Variants in MERTK observed in about 807,000 individuals in gnomAD.
MERTK encodes MER proto-oncogene, tyrosine kinase.
In MERTK, 69 loss-of-function variants were observed where a neutral mutation model predicts 99.3. The observed-to-expected ratio is 0.70, with a 90% CI of 0.57 to 0.85. MERTK has a LOEUF of 0.85. Among genes scored for constraint, MERTK ranks in the 40% least tolerant of loss-of-function variants. The probability of loss-of-function intolerance (pLI) is 0.00; values close to 1 mark genes in which losing one functional copy is unlikely to be tolerated. For synonymous variants in MERTK, 426 were observed against 467.6 expected, an observed-to-expected ratio of 0.91 and a Z score of 1.15; for missense variants, 1,125 against 1,249.4, an observed-to-expected ratio of 0.90 and a Z score of 1.50.
intron 1 of MERTK, among the ~76,000 whole-genome samples, chr2:111,923,111 A>T (rs532468378): frequency 6.6e-6 from 1 of 152,016 alleles, no homozygotes; most frequent in Non-Finnish European, 1.5e-5. Context: ...TGCACGTCAC[A>T]CCCGTTTATT....
rs555016686 is a variant in MERTK, at chr2:111,982,979, A to G, written c.1282A>G (p.Ser428Gly). The change falls in exon 8 of 19, where the codon AGT (serine) becomes GGT (glycine). Residue 428 changes from serine (S) to glycine (G), a missense_variant. By Grantham distance (56) the Ser-to-Gly change is moderately conservative. Transcript: ENST00000295408. ...CTACCGGATATCCCACGTGTGGCAG[A>G]GTGCAGGGATTTCCGTAAGTCTAAA... Reference protein sequence around the residue: ...VGYRISHVWQSAGISKELLEE... With the variant: ...VGYRISHVWQGAGISKELLEE... The G allele has an allele frequency of 6.4e-5, 104 of 1,614,020 alleles. 1 individual carries two copies. The East Asian group carries it at 2.0e-3, about 31-fold the overall frequency.
At chr2:112,012,149 G>T (rs1677118219) in intron 15 of MERTK, among the ~76,000 whole-genome samples, 1 of 152,222 alleles carries the variant, frequency 6.6e-6, no homozygotes, top group Non-Finnish European at 1.5e-5. Flanking sequence ...CAGAGGTGGT[G>T]ATTGGAATAT....
At chr2:111,927,918 C>T (rs1269350587) in intron 1 of MERTK, among the ~76,000 whole-genome samples, 2 of 152,158 alleles carry the variant, frequency 1.3e-5, no homozygotes, top group Admixed American at 6.5e-5. Flanking sequence ...ATATCTCTCT[C>T]ACCCACCTGT....
intron 12 of MERTK, chr2:112,003,516 C>G: frequency 3.0e-6 from 1 of 332,326 alleles, no homozygotes; most frequent in Non-Finnish European, 5.6e-6. Context: ...GTTCTTGGCA[C>G]CTTTCTAATT....
At chr2:111,952,591 G>A (rs781264829) in intron 4 of MERTK, 1 of 152,216 alleles carries the variant, frequency 6.6e-6, no homozygotes, top group Non-Finnish European at 1.5e-5. Flanking sequence ...CAGTGCACGG[G>A]GTGGTGGAAC....
At chr2:111,948,657 T>G (rs1455311889) in intron 4 of MERTK, among the ~76,000 whole-genome samples, 1 of 152,180 alleles carries the variant, frequency 6.6e-6, no homozygotes, top group African/African-American at 2.4e-5. Flanking sequence ...AGCAGTTCTG[T>G]CAGTTCTGCT....
rs1683982768 is a variant in MERTK at position 111,898,920 on chromosome 2, T to A, written c.61+124T>A. The A allele has an allele frequency of 1.2e-5, 12 of 991,930 alleles. No homozygotes were observed. In the South Asian group the frequency reaches 1.7e-4, roughly 14 times the overall value. The allele number at this position is 991,930 out of a possible 1,614,324, so 61.4% of individuals were successfully genotyped here. On this transcript the variant is annotated intron_variant, in intron 1 of 18. Transcript: ENST00000295408. The stretch of plus-strand genomic sequence containing the variant: ...CTGCTGGACAAGTTTGCAAACACCC[T>A]CCACCCACTGCGGTGCCAGAGGAGG...
intron 8 of MERTK, 93 bp from the exon 9 acceptor site, chr2:111,994,158 G>A (rs1676686696): frequency 6.9e-7 from 1 of 1,453,490 alleles, no homozygotes; most frequent in South Asian, 1.1e-5. Context: ...TCGGACGTGG[G>A]CGGGATGGCT....
chr2:111,984,282 A>G (rs1190913339), intron 8 of MERTK, among the ~76,000 whole-genome samples: 1 of 152,156 alleles, frequency 6.6e-6, no homozygotes, highest in Non-Finnish European at 1.5e-5. Context: ...AGTCTGCATT[A>G]TGAGTCCCCT....
In MERTK at chr2:112,006,187, G is replaced by A. The variant is rs548651444; in HGVS notation, c.1868-2196G>A. 5.9e-5 allele frequency among the ~76,000 whole-genome samples: 9 copies of A among 152,192 alleles called. No homozygotes were observed. The East Asian group carries it at 1.4e-3, about 23-fold the overall frequency. On this transcript the variant is annotated intron_variant, in intron 13 of 18. Coordinates refer to ENST00000295408, the MANE Select transcript of MERTK (RefSeq NM_006343.3). Reference sequence around the variant, plus strand: ...GTGAGCTACCACGCCTGGCCTGGAGGCTGAAGCTTAATTCAGCTATAAAAA... The same window carrying A: ...GTGAGCTACCACGCCTGGCCTGGAGACTGAAGCTTAATTCAGCTATAAAAA...
At chr2:111,980,877 C>G (rs1676359565) in intron 7 of MERTK, among the ~76,000 whole-genome samples, 1 of 152,160 alleles carries the variant, frequency 6.6e-6, no homozygotes, top group South Asian at 2.1e-4. Context: ...TTTCAGCTTT[C>G]AAATATGTGT....
At chr2:111,952,904 T>C (rs1685083292) in intron 4 of MERTK, among the ~76,000 whole-genome samples, 1 of 152,246 alleles carries the variant, frequency 6.6e-6, no homozygotes, top group Non-Finnish European at 1.5e-5. Flanking sequence ...GTATTCAGTC[T>C]TGACTTTTTG....
intron 8 of MERTK, among the ~76,000 whole-genome samples, chr2:111,992,061 A>G (rs1478047392): frequency 6.6e-6 from 1 of 152,048 alleles, no homozygotes; most frequent in Non-Finnish European, 1.5e-5. Context: ...GCCCTCATCC[A>G]TAAAGAAATT....
At chr2:112,009,866 A>G in intron 14 of MERTK, 82 bp from the exon 15 acceptor site, 1 of 1,033,390 alleles carries the variant, frequency 9.7e-7, no homozygotes, top group Non-Finnish European at 1.5e-6. Context: ...ACACGGCTTC[A>G]GTTTTTCCAG....
At chr2:111,928,322 C>T (rs964138376) in intron 1 of MERTK, among the ~76,000 whole-genome samples, 1 of 142,068 alleles carries the variant, frequency 7.0e-6, no homozygotes, top group Non-Finnish European at 1.5e-5. Flanking sequence ...ATCTCCTGGG[C>T]TCAAGCGATC....
intron 1 of MERTK, among the ~76,000 whole-genome samples, chr2:111,900,341 A>T (rs1684019926): frequency 6.6e-6 from 1 of 152,242 alleles, no homozygotes; most frequent in Admixed American, 6.5e-5. Flanking sequence ...CAGGCAAAGA[A>T]CTAAAGCAGT....
chr2:112,013,193 A>G (rs4374383), intron 15 of MERTK: 89,096 of 153,820 alleles, frequency 0.58, 26,210 homozygotes, highest in Middle Eastern at 0.63. Flanking sequence ...CAACATGAGT[A>G]CTAACCGTAG....
chr2:111,997,001 G>A (rs1676759386), intron 9 of MERTK: 1 of 361,792 alleles, frequency 2.8e-6, no homozygotes, highest in Non-Finnish European at 5.2e-6. Flanking sequence ...TCTTGTACGT[G>A]TATAATGACA....
At position 111,932,684 on chromosome 2, in the gene MERTK, A is replaced by G. The variant is rs553453037; in HGVS notation, c.482+3144A>G. 7.2e-5 allele frequency among the ~76,000 whole-genome samples: 11 copies of G among 152,340 alleles called. 1 individual carries two copies. Among genetic ancestry groups the G allele is most frequent in the African/African-American group, 2.6e-4 (11 of 41,576 alleles). On this transcript the variant is annotated intron_variant, in intron 2 of 18. Transcript: ENST00000295408. ...ACAGTTAAAGATGGGTTTATTTTAG[A>G]GAAATAAGCCTGAGAGGGGCTCCTG...
Sources: allele counts gnomAD v4.1 joint callset (sites outside exome capture counted in the v4.1 genomes callset), GRCh38; gene constraint gnomAD v4.1.1; transcripts MANE v1.5; gene names NCBI Gene and HGNC (gene_info 2026-07-23, HGNC 2026-07-21).